The following CYB5R3 variants were observed in gnomAD, a reference collection of about 807,000 sequenced individuals.
CYB5R3 encodes cytochrome b5 reductase 3.
A neutral mutation model predicts 36.5 loss-of-function variants in CYB5R3; 28 were observed. That is an observed-to-expected ratio of 0.77 (90% CI 0.57 to 1.05). The LOEUF (loss-of-function observed/expected upper bound fraction) is 1.05. Among genes scored for constraint, CYB5R3 ranks in the 50% least tolerant of loss-of-function variants. The probability of loss-of-function intolerance (pLI) is 0.00; values close to 1 mark genes in which losing one functional copy is unlikely to be tolerated. For synonymous variants in CYB5R3, 181 were observed against 159.8 expected, an observed-to-expected ratio of 1.13 and a Z score of -1.00; for missense variants, 474 against 408.9, an observed-to-expected ratio of 1.16 and a Z score of -1.37.
chr22:42,628,053 TC>T, intron 5 of CYB5R3, 98 bp downstream of exon 5: 1 of 1,528,802 alleles, frequency 6.5e-7, no homozygotes, highest in East Asian at 2.3e-5. Context: ...GAGTCACCCA[TC>T]CACACAGAGC....
intron 8 of CYB5R3, among the ~76,000 whole-genome samples, chr22:42,622,022 C>G (rs1569315938): frequency 1.3e-5 from 2 of 152,212 alleles, no homozygotes; most frequent in Admixed American, 6.5e-5. Context: ...CTCCCGGGTT[C>G]AAGCCATTCT....
intron 4 of CYB5R3, among the ~76,000 whole-genome samples, chr22:42,628,780 C>A (rs922831762): frequency 2.0e-5 from 3 of 152,142 alleles, no homozygotes; most frequent in Non-Finnish European, 4.4e-5. Context: ...GGCCTCAATC[C>A]GACACCTACA....
chr22:42,640,373 A>G, intron 1 of CYB5R3: 1 of 624,478 alleles, frequency 1.6e-6, no homozygotes, highest in East Asian at 3.9e-5. Context: ...TTATTTATTT[A>G]TTTATTTATT....
At chr22:42,625,512 T>C (rs1928219363) in intron 7 of CYB5R3, among the ~76,000 whole-genome samples, 1 of 151,852 alleles carries the variant, frequency 6.6e-6, no homozygotes, top group Non-Finnish European at 1.5e-5. Flanking sequence ...TCCGTCTCAA[T>C]TTTTTTAAAA....
Position 42,630,954 on chromosome 22 carries a change from T to C in CYB5R3, c.261A>G (p.Gly87=), listed in dbSNP as rs756127415. The change falls in exon 4 of 9, where the codon GGA becomes GGG. Residue 87 remains glycine, a synonymous_variant. Transcript: ENST00000352397. ...GTGTATAGGGCCGGACGACCAGGTT[T>C]CCATCAATTCGAGCCGAGAGGTAGA... ...QHIYLSARID[G]NLVVRPYTPI... is the part of the protein sequence containing the mutation. 6 of 1,613,866 alleles carry C rather than the reference T, an allele frequency of 3.7e-6. No individual in the cohort carries two copies. Among genetic ancestry groups the C allele is most frequent in the Non-Finnish European group, 5.1e-6 (6 of 1,179,972 alleles).
intron 8 of CYB5R3, among the ~76,000 whole-genome samples, 193 bp from the exon 9 acceptor site, chr22:42,620,138 T>C (rs1012334618): frequency 3.3e-5 from 5 of 152,252 alleles, no homozygotes; most frequent in African/African-American, 1.2e-4. Context: ...CTGAAACCAG[T>C]GTACAAAGCC....
chr22:42,646,433 C>A (rs959258928), intron 1 of CYB5R3, among the ~76,000 whole-genome samples: 4 of 152,142 alleles, frequency 2.6e-5, no homozygotes, highest in Admixed American at 1.3e-4. Flanking sequence ...TGAGGGGCTG[C>A]GTAGCTCTGC....
chr22:42,621,353 A>C (rs1324549397), intron 8 of CYB5R3, among the ~76,000 whole-genome samples: 1 of 152,100 alleles, frequency 6.6e-6, no homozygotes, highest in Non-Finnish European at 1.5e-5. Context: ...AATAGCTGGG[A>C]CTACAGGTGC....
chr22:42,621,705 G>A (rs1337571488), intron 8 of CYB5R3, among the ~76,000 whole-genome samples: 1 of 152,256 alleles, frequency 6.6e-6, no homozygotes, highest in Non-Finnish European at 1.5e-5. Context: ...TGCCACCAGG[G>A]GTCAGCACTG....
At chr22:42,629,770 T>G (rs1313218541) in intron 4 of CYB5R3, among the ~76,000 whole-genome samples, 1 of 152,184 alleles carries the variant, frequency 6.6e-6, no homozygotes, top group Non-Finnish European at 1.5e-5. Context: ...TGGTCTAGGC[T>G]GCTTCTCACC....
At chr22:42,623,970 A>G (rs1260476693) in intron 7 of CYB5R3, 82 bp from the exon 8 acceptor site, 5 of 1,253,592 alleles carry the variant, frequency 4.0e-6, no homozygotes, top group Non-Finnish European at 4.6e-6. Flanking sequence ...GCGCCTCGTC[A>G]TCGCGCCCGC....
Position 42,623,684 on chromosome 22 carries a change from GA to G in CYB5R3, c.733+104del, listed in dbSNP as rs1348484407. 6.6e-6 allele frequency: 6 copies of G among 913,754 alleles called. No individual in the cohort carries two copies. The African/African-American group carries it at 9.7e-5, about 15-fold the overall frequency. The allele number at this position is 913,754 out of a possible 1,614,324, so 56.6% of individuals were successfully genotyped here. On this transcript the variant is annotated intron_variant, in intron 8 of 8. Transcript: ENST00000352397. The stretch of plus-strand genomic sequence containing the variant: ...CACCTGCCTCCCACAGGGCCATAGT[GA>G]GTGCCAGATGTCGTCCAAAGGCTCA...
rs2003822 is a variant in CYB5R3, at chr22:42,621,993, G to A, written c.733+1796C>T. ...GGCTGGAGTGCAGTGGCACCATCTC[G>A]GCTCATTGCAACCTCTGCCTCCCGG... On this transcript the variant is annotated intron_variant, in intron 8 of 8. Transcript: ENST00000352397. Among the ~76,000 whole-genome samples, 685 of 152,336 alleles carry A rather than the reference G, an allele frequency of 4.5e-3. 11 individuals carry two copies. Among genetic ancestry groups the A allele is most frequent in the Admixed American group, 0.023 (345 of 15,300 alleles).
chr22:42,648,143 T>C (rs8190377), intron 1 of CYB5R3, among the ~76,000 whole-genome samples: 5,378 of 152,226 alleles, frequency 0.035, 146 homozygotes, highest in Middle Eastern at 0.068. Flanking sequence ...CATCCCGAAG[T>C]TCTGGGTTGG....
chr22:42,636,751 C>T lies in CYB5R3; in HGVS notation c.117G>A (p.Pro39=), dbSNP rs141441782. 1.8e-4 allele frequency: 291 copies of T among 1,613,488 alleles called. 1 individual carries two copies. The East Asian group carries it at 5.2e-3, about 29-fold the overall frequency. ...RSTPAITLES[P]DIKYPLRLID... ...TGAGCCGCAGCGGGTACTTGATGTC[C>T]GGGCTCTCGAGGGTGATGGCTGGCG... The change falls in exon 2 of 9, where the codon CCG becomes CCA. Residue 39 remains proline (P), a synonymous_variant. Coordinates refer to ENST00000352397, the MANE Select transcript of CYB5R3 (RefSeq NM_000398.7).
In CYB5R3 at chr22:42,631,429, G is replaced by A. The variant is rs200840324; in HGVS notation, c.175C>T (p.Arg59Cys). Residue 59 changes from arginine (R) to cysteine (C), a missense_variant, in exon 3 of 9, where the codon CGC becomes TGC. By Grantham distance (180) the Arg-to-Cys change is radical. Transcript: ENST00000352397. ...DREIISHDTR[R>C]FRFALPSPQH... ...GGTGACGGCAGGGCAAAGCGGAAGC[G>A]CCGGGTGTCATGGCTGATGATCTGG... 7 of 1,551,498 alleles carry A rather than the reference G, an allele frequency of 4.5e-6. No homozygotes were observed. The highest frequency in any genetic ancestry group is 2.4e-5 in the South Asian group (2 of 84,058).
chr22:42,631,301 T>C, intron 3 of CYB5R3, 77 bp downstream of exon 3: 2 of 1,412,512 alleles, frequency 1.4e-6, no homozygotes, highest in Non-Finnish European at 2.0e-6. Context: ...GGTGGAAATG[T>C]AAAGCTTCCA....
intron 8 of CYB5R3, among the ~76,000 whole-genome samples, chr22:42,621,587 G>A (rs1161306861): frequency 1.3e-5 from 2 of 152,226 alleles, no homozygotes; most frequent in African/African-American, 2.4e-5. Flanking sequence ...TTGAATTGTG[G>A]GTCACAGTGG....
intron 1 of CYB5R3, among the ~76,000 whole-genome samples, chr22:42,645,585 C>T (rs1196196369): frequency 6.6e-6 from 1 of 152,108 alleles, no homozygotes; most frequent in Non-Finnish European, 1.5e-5. Flanking sequence ...AGATGAGAGT[C>T]AAGGACCTTC....
Sources: allele counts gnomAD v4.1 joint callset (sites outside exome capture counted in the v4.1 genomes callset), GRCh38; gene constraint gnomAD v4.1.1; transcripts MANE v1.5; gene names NCBI Gene and HGNC (gene_info 2026-07-23, HGNC 2026-07-21).